CSMD1: variants seen among roughly 807,000 people sequenced by gnomAD.
CSMD1 encodes the protein CUB and Sushi multiple domains 1.
In CSMD1, 213 loss-of-function variants were observed where a neutral mutation model predicts 417.5. That is an observed-to-expected ratio of 0.51 (90% CI 0.46 to 0.57). The LOEUF is 0.57. Among genes scored for constraint, CSMD1 ranks in the 20% least tolerant of loss-of-function variants. CSMD1 has a pLI of 0.00. For synonymous variants in CSMD1, 2,862 were observed against 1,736.8 expected, an observed-to-expected ratio of 1.65 and a Z score of -16.11; for missense variants, 6,923 against 4,529.7, an observed-to-expected ratio of 1.53 and a Z score of -15.17.
chr8:4,173,358 A>C (rs985491954), intron 3 of CSMD1, among the ~76,000 whole-genome samples: 6 of 152,154 alleles, frequency 3.9e-5, no homozygotes, highest in African/African-American at 1.4e-4. Context: ...GTATGTGGTG[A>C]TGCTGAACAG....
At chr8:3,385,970 A>C (rs190049758) in intron 18 of CSMD1, among the ~76,000 whole-genome samples, 168 of 152,260 alleles carry the variant, frequency 1.1e-3, no homozygotes, top group Non-Finnish European at 2.0e-3. Flanking sequence ...ATAGAAGAGG[A>C]ATTAAGAATG....
chr8:4,284,157 C>G (rs1585156449), intron 3 of CSMD1, among the ~76,000 whole-genome samples: 1 of 152,132 alleles, frequency 6.6e-6, no homozygotes, highest in Non-Finnish European at 1.5e-5. Flanking sequence ...CACCTGAGGT[C>G]AGGAGTTCCA....
intron 10 of CSMD1, among the ~76,000 whole-genome samples, chr8:3,513,495 T>C (rs1430613713): frequency 6.6e-6 from 1 of 152,068 alleles, no homozygotes; most frequent in Non-Finnish European, 1.5e-5. Flanking sequence ...CACCTTGTGA[T>C]CGTGTGAGTC....
intron 7 of CSMD1, among the ~76,000 whole-genome samples, chr8:3,666,188 G>C (rs533323463): frequency 6.6e-6 from 1 of 152,240 alleles, no homozygotes; most frequent in African/African-American, 2.4e-5. Context: ...GAGCCACCAC[G>C]CTTGGCTTGA....
chr8:3,744,429 T>C (rs1796965746), intron 6 of CSMD1, among the ~76,000 whole-genome samples: 1 of 152,142 alleles, frequency 6.6e-6, no homozygotes, highest in Non-Finnish European at 1.5e-5. Flanking sequence ...CATAGAAAGA[T>C]TTTAACCAGG....
At chr8:3,821,705 C>A (rs114091741) in intron 5 of CSMD1, among the ~76,000 whole-genome samples, 1 of 152,132 alleles carries the variant, frequency 6.6e-6, no homozygotes, top group African/African-American at 2.4e-5. Flanking sequence ...CTGCTTGAAC[C>A]CAGGAGCGGG....
At chr8:3,177,888 G>A (rs1369052275) in intron 37 of CSMD1, among the ~76,000 whole-genome samples, 1 of 152,126 alleles carries the variant, frequency 6.6e-6, no homozygotes, top group Non-Finnish European at 1.5e-5. Context: ...ATCTGGATAT[G>A]TATTTTGTCT....
intron 7 of CSMD1, among the ~76,000 whole-genome samples, chr8:3,672,794 C>G (rs912723575): frequency 6.6e-6 from 1 of 152,130 alleles, no homozygotes. Flanking sequence ...TGGGAGAACC[C>G]TTTGCTAAAC....
chr8:4,315,027 C>T (rs1027181608), intron 3 of CSMD1, among the ~76,000 whole-genome samples: 1 of 152,160 alleles, frequency 6.6e-6, no homozygotes, highest in African/African-American at 2.4e-5. Flanking sequence ...AGAGGTCCCT[C>T]TTCTAATCAT....
At chr8:4,756,892 G>C (rs549806134) in intron 1 of CSMD1, among the ~76,000 whole-genome samples, 49 of 152,316 alleles carry the variant, frequency 3.2e-4, no homozygotes, top group African/African-American at 1.1e-3. Context: ...AAACTTGGCA[G>C]TCCAAATCAT....
chr8:2,965,443 A>T (rs1333976014), intron 59 of CSMD1, among the ~76,000 whole-genome samples: 1 of 152,088 alleles, frequency 6.6e-6, no homozygotes, highest in Admixed American at 6.5e-5. Context: ...AACACCTCAC[A>T]CAGCTAGGGT....
intron 1 of CSMD1, among the ~76,000 whole-genome samples, chr8:4,906,437 C>A (rs1204423376): frequency 6.6e-6 from 1 of 152,180 alleles, no homozygotes; most frequent in Non-Finnish European, 1.5e-5. Context: ...CTTAAAGGAC[C>A]AAGGACTGTG....
intron 3 of CSMD1, among the ~76,000 whole-genome samples, chr8:4,286,301 G>T (rs762961062): frequency 6.6e-6 from 1 of 152,074 alleles, no homozygotes; most frequent in Non-Finnish European, 1.5e-5. Context: ...GTCCTCAGGG[G>T]CCGTTGTTCT....
intron 2 of CSMD1, among the ~76,000 whole-genome samples, chr8:4,510,038 T>C (rs933531257): frequency 6.6e-6 from 1 of 151,982 alleles, no homozygotes; most frequent in Non-Finnish European, 1.5e-5. Context: ...CGGTGGGAGG[T>C]AACTCAATCT....
chr8:4,377,047 T>G (rs1277628443), intron 3 of CSMD1, among the ~76,000 whole-genome samples: 1 of 152,200 alleles, frequency 6.6e-6, no homozygotes, highest in Non-Finnish European at 1.5e-5. Context: ...GGTTTCAGAT[T>G]GTTCTCCTGG....
intron 16 of CSMD1, among the ~76,000 whole-genome samples, 188 bp from the exon 17 acceptor site, chr8:3,396,569 C>G (rs1403249043): frequency 6.6e-6 from 1 of 152,136 alleles, no homozygotes; most frequent in Non-Finnish European, 1.5e-5. Context: ...TGAGACGGCA[C>G]AGCTTAAATC....
intron 7 of CSMD1, among the ~76,000 whole-genome samples, chr8:3,695,890 C>T (rs936495876): frequency 2.6e-5 from 4 of 152,260 alleles, no homozygotes; most frequent in African/African-American, 9.6e-5. Context: ...ATTCATTGTA[C>T]TCATTTGATA....
intron 2 of CSMD1, among the ~76,000 whole-genome samples, chr8:4,436,193 G>A (rs534901901): frequency 6.6e-6 from 1 of 152,116 alleles, no homozygotes; most frequent in Non-Finnish European, 1.5e-5. Flanking sequence ...ACAGACACTG[G>A]CTTTAGGCTT....
intron 2 of CSMD1, among the ~76,000 whole-genome samples, chr8:4,455,951 A>AAAAAAAAAAAAAAAAAAAAC (rs1799446323): frequency 7.0e-6 from 1 of 143,770 alleles, no homozygotes; most frequent in Non-Finnish European, 1.5e-5. Context: ...AAAAAAAAAA[A>AAAAAAAAAAAAAAAAAAAAC]AAAAAAAAAA....
Sources: allele counts gnomAD v4.1 joint callset (sites outside exome capture counted in the v4.1 genomes callset), GRCh38; gene constraint gnomAD v4.1.1; transcripts MANE v1.5; gene names NCBI Gene and HGNC (gene_info 2026-07-23, HGNC 2026-07-21).